TTC17: variants seen among roughly 807,000 people sequenced by gnomAD.
TTC17 encodes the protein tetratricopeptide repeat protein 17.
TTC17 carries 58 observed loss-of-function variants against 143.8 expected under a neutral mutation model. That is an observed-to-expected ratio of 0.40 (90% CI 0.33 to 0.50). TTC17 has a LOEUF of 0.50. Among genes scored for constraint, TTC17 ranks in the 20% least tolerant of loss-of-function variants. The probability of loss-of-function intolerance (pLI) is 0.49; values close to 1 mark genes in which losing one functional copy is unlikely to be tolerated. For missense variants in TTC17, 1,273 were observed against 1,392.5 expected, an observed-to-expected ratio of 0.91 and a Z score of 1.37; for synonymous variants, 501 against 497.8, an observed-to-expected ratio of 1.01 and a Z score of -0.09.
intron 16 of TTC17, among the ~76,000 whole-genome samples, chr11:43,429,331 T>C (rs576126131): frequency 1.1e-4 from 16 of 152,334 alleles, no homozygotes; most frequent in Admixed American, 5.9e-4. Context: ...ATTTATACCA[T>C]GGAAGTGTTC....
rs1452469389 is a variant in TTC17, at chr11:43,398,035, G to C, written c.980G>C (p.Gly327Ala). The C allele has an allele frequency of 6.2e-7, 1 of 1,613,310 alleles. No individual in the cohort carries two copies. The highest frequency in any genetic ancestry group is 2.2e-5 in the East Asian group (1 of 44,824). Residue 327 changes from glycine to alanine, a missense_variant, in exon 8 of 24, where the codon GGG (glycine) becomes GCG (alanine). Gly to Ala is a moderately conservative substitution (Grantham distance 60). Transcript: ENST00000039989. Reference sequence around the variant, plus strand: ...GACCACGCTTTGCAGGCCAGACCTGGGTTTGAGCAAGCTATAAAGAGGAAG... The same window carrying C: ...GACCACGCTTTGCAGGCCAGACCTGCGTTTGAGCAAGCTATAAAGAGGAAG... ...CYDHALQARP[G>A]FEQAIKRKHA...
At chr11:43,455,374 A>T (rs1384764658) in intron 21 of TTC17, among the ~76,000 whole-genome samples, 2 of 151,992 alleles carry the variant, frequency 1.3e-5, no homozygotes, top group Admixed American at 6.5e-5. Flanking sequence ...AAGAAAAAGG[A>T]TGCATTAATT....
intron 21 of TTC17, among the ~76,000 whole-genome samples, chr11:43,463,942 G>A (rs756861918): frequency 2.0e-5 from 3 of 152,196 alleles, no homozygotes; most frequent in Non-Finnish European, 4.4e-5. Flanking sequence ...TCAGTGAAAG[G>A]AAATGTATGT....
chr11:43,393,831 A>C lies in TTC17; in HGVS notation c.663+1879A>C, dbSNP rs557391702. ...CCAAATATATTTGTTCTTACCACAT[A>C]CTAGGTGGCTTAAATTTATTTCTCA... On this transcript the variant is annotated intron_variant, in intron 5 of 23. Transcript: ENST00000039989. 2.7e-4 allele frequency among the ~76,000 whole-genome samples: 41 copies of C among 152,306 alleles called. 1 individual carries two copies. The highest frequency in any genetic ancestry group is 9.2e-4 in the Admixed American group (14 of 15,296).
intron 1 of TTC17, among the ~76,000 whole-genome samples, chr11:43,364,074 G>C (rs1337713672): frequency 7.0e-5 from 1 of 14,244 alleles, no homozygotes; most frequent in Non-Finnish European, 1.5e-4. Flanking sequence ...TTTTTTTTTT[G>C]AGACGGAGTC....
chr11:43,456,620 A>T (rs563100506), intron 21 of TTC17, among the ~76,000 whole-genome samples: 2 of 152,352 alleles, frequency 1.3e-5, no homozygotes, highest in African/African-American at 4.8e-5. Context: ...CTAAATTGCT[A>T]GTGACAGAAG....
chr11:43,446,486 A>G (rs544985242), intron 18 of TTC17: 1 of 391,712 alleles, frequency 2.6e-6, no homozygotes, highest in South Asian at 1.1e-4. Flanking sequence ...AGCCCCTTAT[A>G]ACAGGTGCTC....
chr11:43,360,018 C>G (rs753041392), intron 1 of TTC17, among the ~76,000 whole-genome samples: 16 of 152,204 alleles, frequency 1.1e-4, no homozygotes, highest in Non-Finnish European at 2.1e-4. Context: ...CTTGAAGTGT[C>G]TAGCAAACAT....
At chr11:43,446,570 TAA>T (rs1447632765) in intron 18 of TTC17, 3 of 736,838 alleles carry the variant, frequency 4.1e-6, no homozygotes, top group African/African-American at 3.8e-5. Context: ...ATGGCTTATT[TAA>T]GTTATTAATT....
rs1372457936 is a variant in TTC17 at position 43,492,053 on chromosome 11, C to T, written c.3184C>T (p.His1062Tyr). Residue 1062 changes from histidine (H) to tyrosine (Y), a missense_variant, in exon 23 of 24, where the codon CAC becomes TAC. Coordinates refer to ENST00000039989, the MANE Select transcript of TTC17 (RefSeq NM_018259.6). ...VPLISLANIL[H>Y]NAKLWNDAVI... Reference sequence around the variant, plus strand: ...CCTGATTAGCCTGGCCAACATCTTGCACAATGCCAAGCTCTGGAATGACGC... The same window carrying T: ...CCTGATTAGCCTGGCCAACATCTTGTACAATGCCAAGCTCTGGAATGACGC... 2 of 1,614,092 alleles carry T rather than the reference C, an allele frequency of 1.2e-6. 1 individual carries two copies. The highest frequency in any genetic ancestry group is 2.2e-5 in the South Asian group (2 of 91,082).
intron 21 of TTC17, among the ~76,000 whole-genome samples, chr11:43,487,242 T>TTC (rs1564986060): frequency 1.3e-5 from 2 of 152,004 alleles, no homozygotes; most frequent in African/African-American, 4.8e-5. Flanking sequence ...TCCTCCCGGG[T>TTC]TCAAGTGATT....
At chr11:43,462,938 CAG>C (rs1413529301) in intron 21 of TTC17, among the ~76,000 whole-genome samples, 1 of 61,570 alleles carries the variant, frequency 1.6e-5, no homozygotes, top group East Asian at 2.5e-4. Flanking sequence ...TTTTTTGAGA[CAG>C]AGTCTCACTC....
At chr11:43,441,690 G>A (rs758978346) in intron 16 of TTC17, among the ~76,000 whole-genome samples, 9 of 152,050 alleles carry the variant, frequency 5.9e-5, no homozygotes, top group Non-Finnish European at 8.8e-5. Flanking sequence ...AATTGCTTTC[G>A]CCCCAACCCC....
chr11:43,367,011 T>C (rs951953244), intron 1 of TTC17, among the ~76,000 whole-genome samples: 3 of 152,236 alleles, frequency 2.0e-5, no homozygotes, highest in Non-Finnish European at 4.4e-5. Context: ...TGTGCTTCCA[T>C]AGCATCCTGA....
chr11:43,389,759 G>A lies in TTC17; in HGVS notation c.357G>A (p.Val119=), dbSNP rs767297757. 5 of 1,614,052 alleles carry A rather than the reference G, an allele frequency of 3.1e-6. No homozygotes were observed. In the South Asian group the frequency reaches 3.3e-5, roughly 11 times the overall value. Residue 119 remains valine (V), a synonymous_variant, in exon 3 of 24, where the codon GTG becomes GTA. Transcript: ENST00000039989. The part of the protein sequence containing the change: ...KEDPDCIKAK[V]PLGDLDLYDG... ...ACCCAGACTGCATCAAAGCCAAGGT[G>A]CCCTTAGGGGACCTGGATCTATATG...
chr11:43,478,907 G>T (rs536217310), intron 21 of TTC17, among the ~76,000 whole-genome samples: 1 of 152,234 alleles, frequency 6.6e-6, no homozygotes, highest in South Asian at 2.1e-4. Context: ...AGATAACAAG[G>T]TGTGAGCCAC....
intron 1 of TTC17, among the ~76,000 whole-genome samples, chr11:43,360,576 T>C (rs1390980174): frequency 6.6e-6 from 1 of 152,218 alleles, no homozygotes; most frequent in Non-Finnish European, 1.5e-5. Context: ...CTATTTATAC[T>C]CTATGACATT....
intron 16 of TTC17, among the ~76,000 whole-genome samples, chr11:43,433,458 ATTC>A (rs1209087236): frequency 6.6e-6 from 1 of 152,134 alleles, no homozygotes; most frequent in East Asian, 1.9e-4. Context: ...TCTCCTCCCG[ATTC>A]TTCTTCTCCT....
chr11:43,406,039 T>C, intron 13 of TTC17, 88 bp downstream of exon 13: 1 of 1,419,218 alleles, frequency 7.0e-7, no homozygotes, highest in Non-Finnish European at 9.4e-7. Flanking sequence ...TGATAGAAGG[T>C]AGCTGTTGAG....
Sources: allele counts gnomAD v4.1 joint callset (sites outside exome capture counted in the v4.1 genomes callset), GRCh38; gene constraint gnomAD v4.1.1; transcripts MANE v1.5; gene names NCBI Gene and HGNC (gene_info 2026-07-23, HGNC 2026-07-21).